Variants in CPNE1 observed in about 807,000 individuals in gnomAD.
CPNE1 encodes the protein copine 1.
Under a neutral mutation model 63.2 loss-of-function variants are expected in CPNE1, and 58 were observed. That is an observed-to-expected ratio of 0.92 (90% CI 0.74 to 1.14). The LOEUF is 1.14. Among genes scored for constraint, CPNE1 ranks in the 50% most tolerant of loss-of-function variants. The probability of loss-of-function intolerance (pLI) is 0.00; values close to 1 mark genes in which losing one functional copy is unlikely to be tolerated. For missense variants in CPNE1, 672 were observed against 661.7 expected (o/e 1.02, Z -0.17); for synonymous variants, 237 against 249.0 (o/e 0.95, Z 0.45).
chr20:35,627,187 C>CAA (rs746796889), intron 14 of CPNE1, 93 bp downstream of exon 14: 8,913 of 530,102 alleles, frequency 0.017, 1 homozygote, highest in South Asian at 0.023. Flanking sequence ...GAGTCCATCT[C>CAA]AAAAAAAAAA....
At chr20:35,652,857 T>C (rs774042948) in intron 1 of CPNE1, 85 of 1,610,820 alleles carry the variant, frequency 5.3e-5, no homozygotes, top group Non-Finnish European at 7.0e-5. Flanking sequence ...CAAAAGCTGG[T>C]GGCCCACCCA....
chr20:35,640,685 G>A (rs2032750013), intron 1 of CPNE1, among the ~76,000 whole-genome samples: 1 of 152,116 alleles, frequency 6.6e-6, no homozygotes, highest in African/African-American at 2.4e-5. Context: ...CTCTTGGACT[G>A]TAACTTCAAC....
At chr20:35,649,452 C>A (rs1161808855) in intron 1 of CPNE1, 1 of 152,534 alleles carries the variant, frequency 6.6e-6, no homozygotes, top group African/African-American at 2.4e-5. Context: ...CTGGCCTTAA[C>A]TACACTGAAT....
At chr20:35,653,660 T>C in intron 1 of CPNE1, 2 of 1,614,214 alleles carry the variant, frequency 1.2e-6, no homozygotes, top group Non-Finnish European at 1.7e-6. Flanking sequence ...ATCTTTGTAA[T>C]GCTGAATGGA....
At chr20:35,656,291 C>T (rs2146359118) in intron 1 of CPNE1, among the ~76,000 whole-genome samples, 1 of 152,192 alleles carries the variant, frequency 6.6e-6, no homozygotes. Context: ...AGTCTTGGAC[C>T]TACACAACTC....
chr20:35,634,418 A>T (rs2032365361), intron 1 of CPNE1, among the ~76,000 whole-genome samples: 1 of 151,000 alleles, frequency 6.6e-6, no homozygotes, highest in Non-Finnish European at 1.5e-5. Flanking sequence ...ACATGGTGAA[A>T]CCCTGTCTCT....
At chr20:35,648,348 G>C (rs1317287993) in intron 1 of CPNE1, among the ~76,000 whole-genome samples, 2 of 152,194 alleles carry the variant, frequency 1.3e-5, no homozygotes, top group African/African-American at 4.8e-5. Flanking sequence ...GATGCACATA[G>C]TTGATAAACT....
chr20:35,631,659 G>T lies in CPNE1; in HGVS notation c.627+29C>A, dbSNP rs10211833. ...CCCTCCCCAGGTTCTCTTCTCCAGC[G>T]CAGTCCACTTAGGGGGCAAGCTCCT... On this transcript the variant is annotated intron_variant, in intron 7 of 15. Coordinates refer to ENST00000397443, the MANE Select transcript of CPNE1 (RefSeq NM_152925.3). The T allele has an allele frequency of 1.2e-3, 1,976 of 1,609,766 alleles. 19 individuals are homozygous for T. In the African/African-American group the frequency reaches 0.021, roughly 17 times the overall value.
At chr20:35,653,985 G>A (rs1433550912) in intron 1 of CPNE1, 22 of 1,614,098 alleles carry the variant, frequency 1.4e-5, no homozygotes, top group Non-Finnish European at 1.8e-5. Context: ...AAAAATCAAT[G>A]ACATGTTTGT....
At chr20:35,637,390 T>A (rs1193218956) in intron 1 of CPNE1, among the ~76,000 whole-genome samples, 1 of 152,128 alleles carries the variant, frequency 6.6e-6, no homozygotes, top group Non-Finnish European at 1.5e-5. Flanking sequence ...CTGGTAACCC[T>A]GCATCCCTAG....
chr20:35,648,377 C>A (rs1022844499), intron 1 of CPNE1, among the ~76,000 whole-genome samples: 4 of 152,190 alleles, frequency 2.6e-5, no homozygotes, highest in Admixed American at 6.5e-5. Flanking sequence ...CTGTAAAACA[C>A]TGGAAAGCAG....
rs886268714 is a variant in CPNE1, at chr20:35,626,857, A to C, written c.1237-54T>G. 1.1e-5 allele frequency: 16 copies of C among 1,415,398 alleles called. No homozygotes were observed. The East Asian group carries it at 3.2e-4, about 28-fold the overall frequency. The allele number at this position is 1,415,398 out of a possible 1,614,324, so 87.7% of individuals were successfully genotyped here. ...GCAGATCCTCCTCCTAAACCCCTGC[A>C]AACACCCCAGCCACACATCCCCACA... On this transcript the variant is annotated intron_variant, in intron 14 of 15. Coordinates refer to ENST00000397443, the MANE Select transcript of CPNE1 (RefSeq NM_152925.3).
At chr20:35,635,072 T>C (rs1014820038) in intron 1 of CPNE1, among the ~76,000 whole-genome samples, 4 of 151,996 alleles carry the variant, frequency 2.6e-5, no homozygotes, top group African/African-American at 9.7e-5. Context: ...CCAAACACTT[T>C]GCAGTACCTG....
At chr20:35,642,836 G>C (rs2032887303) in intron 1 of CPNE1, among the ~76,000 whole-genome samples, 1 of 152,146 alleles carries the variant, frequency 6.6e-6, no homozygotes, top group African/African-American at 2.4e-5. Flanking sequence ...CTACTAAGGA[G>C]TCAGGCTGAC....
chr20:35,646,698 T>G (rs12480622), intron 1 of CPNE1, among the ~76,000 whole-genome samples: 32,631 of 152,000 alleles, frequency 0.21, 3,642 homozygotes, highest in South Asian at 0.34. Flanking sequence ...AGAATGGAGG[T>G]AATGAACCAT....
At position 35,632,012 on chromosome 20, in the gene CPNE1, T is replaced by C. The variant is rs542240996; in HGVS notation, c.470A>G (p.Lys157Arg). 74 of 1,614,066 alleles carry C rather than the reference T, an allele frequency of 4.6e-5. No individual in the cohort carries two copies. In the South Asian group the frequency reaches 7.7e-4, roughly 17 times the overall value. The change falls in exon 6 of 16, where the codon AAA becomes AGA. Residue 157 changes from lysine (K) to arginine (R), a missense_variant. Transcript: ENST00000397443. ...RNLDKKDFLG[K>R]SDPFLEFFRQ... ...GAAGAACTCCAGAAATGGATCTGATTTTCCCAGGAAGTCCTGCCAATGCGA... is the reference window on the plus strand; with the variant it reads ...GAAGAACTCCAGAAATGGATCTGATCTTCCCAGGAAGTCCTGCCAATGCGA...
At chr20:35,630,544 A>C in intron 12 of CPNE1, 54 bp from the exon 13 acceptor site, 1 of 1,587,580 alleles carries the variant, frequency 6.3e-7, no homozygotes, top group Non-Finnish European at 8.6e-7. Flanking sequence ...GCTAAGAATG[A>C]AAAAGGACAC....
chr20:35,637,621 G>A (rs953747535), intron 1 of CPNE1, among the ~76,000 whole-genome samples: 4 of 152,040 alleles, frequency 2.6e-5, no homozygotes, highest in Non-Finnish European at 5.9e-5. Context: ...TCTCTGCTCT[G>A]GATGACTGCG....
chr20:35,633,417 G>C (rs1388031318), intron 1 of CPNE1, among the ~76,000 whole-genome samples: 1 of 152,050 alleles, frequency 6.6e-6, no homozygotes, highest in East Asian at 1.9e-4. Context: ...CTAACCCTGG[G>C]GATCTAACTC....
Sources: allele counts gnomAD v4.1 joint callset (sites outside exome capture counted in the v4.1 genomes callset), GRCh38; gene constraint gnomAD v4.1.1; transcripts MANE v1.5; gene names NCBI Gene and HGNC (gene_info 2026-07-23, HGNC 2026-07-21).